ZSCAN5A: variants seen among roughly 807,000 people sequenced by gnomAD.
ZSCAN5A encodes the protein zinc finger and SCAN domain-containing protein 5A.
A neutral mutation model predicts 23.7 loss-of-function variants in ZSCAN5A; 12 were observed. The ratio of observed to expected loss-of-function variants is 0.51; its 90% CI spans 0.32 to 0.82. ZSCAN5A has a LOEUF of 0.82. ZSCAN5A is among the 40% of genes least tolerant of loss of function. The probability of loss-of-function intolerance (pLI) is 0.03; values close to 1 mark genes in which losing one functional copy is unlikely to be tolerated. For missense variants in ZSCAN5A, 597 were observed against 617.9 expected (o/e 0.97, Z 0.36); for synonymous variants, 257 against 239.9 (o/e 1.07, Z -0.66).
At chr19:56,232,005 T>TTTTTTTTTTTTTG (rs1568619830) in intron 2 of ZSCAN5A, among the ~76,000 whole-genome samples, 2 of 149,470 alleles carry the variant, frequency 1.3e-5, no homozygotes, top group Non-Finnish European at 1.5e-5. Context: ...TCTTTTTTTT[T>TTTTTTTTTTTTTG]GAGACAGTGT....
intron 2 of ZSCAN5A, chr19:56,245,561 T>C (rs1392481431): frequency 1.6e-5 from 5 of 308,030 alleles, no homozygotes; most frequent in Admixed American, 9.9e-5. Context: ...GTTACATCCT[T>C]AGACATTCCT....
chr19:56,305,341 G>A (rs994317360), intron 2 of ZSCAN5A, among the ~76,000 whole-genome samples: 2 of 152,124 alleles, frequency 1.3e-5, no homozygotes, highest in Admixed American at 6.6e-5. Flanking sequence ...CATACACTAC[G>A]TGGCCCTTTG....
intron 2 of ZSCAN5A, chr19:56,321,576 C>T: frequency 1.3e-6 from 1 of 775,426 alleles, no homozygotes; most frequent in South Asian, 1.4e-5. Flanking sequence ...ACCTCCCTGT[C>T]ATTGACTGTG....
intron 2 of ZSCAN5A, chr19:56,310,562 G>A (rs2040974117): frequency 6.6e-6 from 1 of 152,254 alleles, no homozygotes; most frequent in Non-Finnish European, 1.5e-5. Flanking sequence ...TACAGGTGAA[G>A]ACACTACAGC....
At chr19:56,346,841 C>A (rs2041637126) in intron 2 of ZSCAN5A, among the ~76,000 whole-genome samples, 1 of 152,178 alleles carries the variant, frequency 6.6e-6, no homozygotes, top group Admixed American at 6.5e-5. Context: ...CATTCTCCTG[C>A]CTCGGCCTCC....
chr19:56,244,110 C>T, intron 2 of ZSCAN5A: 1 of 1,532,968 alleles, frequency 6.5e-7, no homozygotes, highest in Non-Finnish European at 9.0e-7. Flanking sequence ...TCAGAGCCGC[C>T]ACAGTCTGTG....
At chr19:56,226,044 T>A (rs2146426232) in intron 2 of ZSCAN5A, among the ~76,000 whole-genome samples, 1 of 152,304 alleles carries the variant, frequency 6.6e-6, no homozygotes, top group East Asian at 1.9e-4. Flanking sequence ...CAGGAGCCAC[T>A]GAGTGATACT....
chr19:56,345,872 A>G (rs879617856), intron 2 of ZSCAN5A, among the ~76,000 whole-genome samples: 2 of 152,238 alleles, frequency 1.3e-5, no homozygotes, highest in Non-Finnish European at 2.9e-5. Flanking sequence ...TGTTGTGATA[A>G]CTATTTTAGT....
intron 2 of ZSCAN5A, among the ~76,000 whole-genome samples, chr19:56,325,141 T>C (rs1242305346): frequency 2.6e-5 from 4 of 152,266 alleles, no homozygotes; most frequent in Non-Finnish European, 5.9e-5. Flanking sequence ...ATGTATATCT[T>C]TTCCCTTCTT....
At chr19:56,288,030 A>C (rs990917123) in intron 2 of ZSCAN5A, among the ~76,000 whole-genome samples, 2 of 152,070 alleles carry the variant, frequency 1.3e-5, no homozygotes, top group Non-Finnish European at 2.9e-5. Flanking sequence ...TGATGAGGAG[A>C]CTGAGGCACA....
At chr19:56,223,174 C>T (rs2033478769) in intron 4 of ZSCAN5A, among the ~76,000 whole-genome samples, 1 of 152,162 alleles carries the variant, frequency 6.6e-6, no homozygotes, top group Admixed American at 6.5e-5. Context: ...TATTAACACC[C>T]CACCATCCCC....
At chr19:56,241,130 G>A (rs2035395855) in intron 2 of ZSCAN5A, among the ~76,000 whole-genome samples, 1 of 152,202 alleles carries the variant, frequency 6.6e-6, no homozygotes, top group Non-Finnish European at 1.5e-5. Flanking sequence ...CCTACCTGGG[G>A]GTCCTGTGTG....
In ZSCAN5A at chr19:56,221,869, G is replaced by T; in HGVS notation, c.1197C>A (p.Leu399=). ...CGKRFMQLIS[L]QFHQRTHTGE... is the part of the protein sequence containing the mutation. Reference sequence around the variant, plus strand: ...CAGTGTGGGTTCGCTGGTGAAATTGGAGGCTAATAAGCTGCATGAAGCGCT... The same window carrying T: ...CAGTGTGGGTTCGCTGGTGAAATTGTAGGCTAATAAGCTGCATGAAGCGCT... Residue 399 remains leucine (L), a synonymous_variant, in exon 6 of 6, where the codon CTC becomes CTA. Coordinates refer to ENST00000683990, the MANE Select transcript of ZSCAN5A (RefSeq NM_001322064.3). 1 of 1,614,168 alleles carries T rather than the reference G, an allele frequency of 6.2e-7. No homozygotes were observed. The highest frequency in any genetic ancestry group is 1.1e-5 in the South Asian group (1 of 91,084).
At chr19:56,301,790 TG>T in intron 2 of ZSCAN5A, 1 of 547,734 alleles carries the variant, frequency 1.8e-6, no homozygotes, top group Non-Finnish European at 2.7e-6. Flanking sequence ...GTCTGGAGTA[TG>T]GTGGTAACCA....
At chr19:56,244,989 C>T (rs1380914110) in intron 2 of ZSCAN5A, among the ~76,000 whole-genome samples, 2 of 152,180 alleles carry the variant, frequency 1.3e-5, no homozygotes, top group East Asian at 1.9e-4. Context: ...GAATATTTCT[C>T]CTTGTCTTCT....
At chr19:56,281,697 C>T (rs2038718876) in intron 2 of ZSCAN5A, 1 of 985,238 alleles carries the variant, frequency 1.0e-6, no homozygotes, top group Admixed American at 6.2e-5. Flanking sequence ...TTCCAGTCAA[C>T]TGTAAGTCAT....
chr19:56,239,940 G>A (rs1025249686), intron 2 of ZSCAN5A, among the ~76,000 whole-genome samples: 34 of 152,072 alleles, frequency 2.2e-4, no homozygotes, highest in African/African-American at 7.0e-4. Flanking sequence ...GAGGTGGGCA[G>A]ATCACTAGGT....
chr19:56,263,446 G>A (rs544784561), intron 2 of ZSCAN5A: 1 of 152,294 alleles, frequency 6.6e-6, no homozygotes, highest in East Asian at 1.9e-4. Context: ...AAGCCAGAAG[G>A]AGGCTCGTTG....
At chr19:56,305,374 A>T (rs2040618802) in intron 2 of ZSCAN5A, among the ~76,000 whole-genome samples, 1 of 152,200 alleles carries the variant, frequency 6.6e-6, no homozygotes, top group Non-Finnish European at 1.5e-5. Flanking sequence ...TTCATTTGGC[A>T]TAATATTTCC....
Sources: gnomAD v4.1 joint callset for allele counts (sites outside exome capture counted in the v4.1 genomes callset) on GRCh38, gnomAD v4.1.1 for gene constraint, MANE v1.5 for transcripts, NCBI Gene and HGNC (gene_info 2026-07-23, HGNC 2026-07-21) for gene names.